Variants in CRYBA4 observed in about 807,000 individuals in gnomAD.
CRYBA4 encodes the protein beta-crystallin A4.
In CRYBA4, 30 loss-of-function variants were observed where a neutral mutation model predicts 31.7. That is an observed-to-expected ratio of 0.95 (90% confidence interval 0.71 to 1.28). The LOEUF is 1.28. Among genes scored for constraint, CRYBA4 ranks in the 50% most tolerant of loss-of-function variants. CRYBA4 has a pLI of 0.00. For synonymous variants in CRYBA4, 102 were observed against 102.3 expected, an observed-to-expected ratio of 1.00 and a Z score of 0.02; for missense variants, 225 against 260.7, an observed-to-expected ratio of 0.86 and a Z score of 0.94.
chr22:26,614,226 C>G, the CRYBA4 span, among the ~76,000 whole-genome samples: 1 of 152,200 alleles, frequency 6.6e-6, no homozygotes, highest in African/African-American at 2.4e-5. Context: ...TACTTGATGT[C>G]TGTGACCCAC....
At chr22:26,621,601 G>A (rs1208208478), upstream of CRYBA4, among the ~76,000 whole-genome samples, 2 of 152,214 alleles carry the variant, frequency 1.3e-5, no homozygotes, top group Non-Finnish European at 2.9e-5. Flanking sequence ...GATATGGTTT[G>A]TTTCTGCCCC....
chr22:26,592,132 C>T, the CRYBA4 span, among the ~76,000 whole-genome samples: 1 of 152,218 alleles, frequency 6.6e-6, no homozygotes, highest in South Asian at 2.1e-4. Flanking sequence ...GTGTTTATTG[C>T]GTGCATGTTA....
At chr22:26,628,188 C>T (rs1929808339) in intron 4 of CRYBA4, 100 bp from the exon 5 acceptor site, 3 of 1,559,120 alleles carry the variant, frequency 1.9e-6, no homozygotes, top group Non-Finnish European at 1.8e-6. Flanking sequence ...GCAAGGAAGG[C>T]TGATTTGGGA....
chr22:26,611,651 T>C, the CRYBA4 span, among the ~76,000 whole-genome samples: 1 of 151,806 alleles, frequency 6.6e-6, no homozygotes, highest in Non-Finnish European at 1.5e-5. Flanking sequence ...ATTTTTTGTA[T>C]TTTTAGTAGA....
chr22:26,593,540 C>A, the CRYBA4 span, among the ~76,000 whole-genome samples: 1 of 150,770 alleles, frequency 6.6e-6, no homozygotes, highest in East Asian at 1.9e-4. Flanking sequence ...TTATTTATTT[C>A]TTTGAGACAG....
chr22:26,630,389 G>A lies in CRYBA4; in HGVS notation c.493G>A (p.Glu165Lys). 1 of 1,614,248 alleles carries A rather than the reference G, an allele frequency of 6.2e-7. No homozygotes were observed. Reference protein sequence around the residue: ...PGYRGFQYVLECDHHSGDYKH... With the variant: ...PGYRGFQYVLKCDHHSGDYKH... ...CTACCGAGGATTTCAGTATGTGCTG[G>A]AATGCGATCACCATTCCGGTGACTA... The change falls in exon 6 of 6, where the codon GAA becomes AAA. Residue 165 changes from glutamate to lysine, a missense_variant. Physicochemically the swap from Glu to Lys is moderately conservative, Grantham distance 56. Transcript: ENST00000354760.
chr22:26,594,523 G>T, the CRYBA4 span, among the ~76,000 whole-genome samples: 1 of 152,186 alleles, frequency 6.6e-6, no homozygotes, highest in East Asian at 1.9e-4. Context: ...TCACAAGCTG[G>T]GATCTATCTA....
upstream of CRYBA4, among the ~76,000 whole-genome samples, chr22:26,620,429 C>T (rs1026170274): frequency 7.2e-5 from 11 of 151,924 alleles, no homozygotes; most frequent in South Asian, 2.1e-4. Context: ...GCTCAGAGTG[C>T]GTAAGTAACA....
intron 4 of CRYBA4, among the ~76,000 whole-genome samples, chr22:26,627,368 C>CTT (rs1305072698): frequency 1.4e-4 from 6 of 41,406 alleles, no homozygotes; most frequent in Non-Finnish European, 2.0e-4. Context: ...TCCTTTCTTT[C>CTT]TTTCTTTCTT....
chr22:26,615,999 GAAAAT>G, the CRYBA4 span: 1 of 737,402 alleles, frequency 1.4e-6, no homozygotes, highest in Non-Finnish European at 2.4e-6. Context: ...AGAAAGGAGA[GAAAAT>G]AAGCCAAGAA....
the CRYBA4 span, among the ~76,000 whole-genome samples, chr22:26,600,309 G>A: frequency 2.0e-5 from 3 of 152,112 alleles, no homozygotes; most frequent in African/African-American, 7.2e-5. Flanking sequence ...GACTGAAGCA[G>A]GAGAACGGCG....
upstream of CRYBA4, among the ~76,000 whole-genome samples, chr22:26,621,368 G>C (rs1289464876): frequency 2.0e-5 from 3 of 152,170 alleles, no homozygotes; most frequent in East Asian, 5.8e-4. Context: ...TGTGCCCCAA[G>C]TTCCCACCTC....
the CRYBA4 span, among the ~76,000 whole-genome samples, chr22:26,591,217 G>A: frequency 2.0e-5 from 3 of 151,500 alleles, no homozygotes; most frequent in African/African-American, 2.4e-5. Flanking sequence ...ATAAAAATAC[G>A]AAAATGACTT....
chr22:26,611,469 G>GTT, the CRYBA4 span, among the ~76,000 whole-genome samples: 35 of 133,300 alleles, frequency 2.6e-4, no homozygotes, highest in Non-Finnish European at 4.1e-4. Flanking sequence ...TTTTTTTTTT[G>GTT]TTTTTTTTTT....
At chr22:26,627,991 C>T (rs1180714740) in intron 4 of CRYBA4, among the ~76,000 whole-genome samples, 2 of 152,162 alleles carry the variant, frequency 1.3e-5, no homozygotes, top group Non-Finnish European at 2.9e-5. Flanking sequence ...CTCAGCTTAC[C>T]ACTGGATCCC....
the CRYBA4 span, among the ~76,000 whole-genome samples, chr22:26,609,239 A>C: frequency 6.6e-6 from 1 of 152,370 alleles, no homozygotes; most frequent in South Asian, 2.1e-4. Flanking sequence ...AATGCATCAC[A>C]GGAGCCTCAG....
At chr22:26,618,773 G>A (rs1185873737), upstream of CRYBA4, among the ~76,000 whole-genome samples, 2 of 152,220 alleles carry the variant, frequency 1.3e-5, no homozygotes, top group Non-Finnish European at 2.9e-5. Context: ...CCTCTTTGTA[G>A]GTTGGGGTGG....
At chr22:26,594,300 T>C in the CRYBA4 span, among the ~76,000 whole-genome samples, 2 of 152,312 alleles carry the variant, frequency 1.3e-5, no homozygotes, top group African/African-American at 4.8e-5. Flanking sequence ...CAGAGCCCAG[T>C]TGCTGTGTAT....
chr22:26,628,551 C>A, intron 5 of CRYBA4, 121 bp downstream of exon 5: 2 of 1,167,016 alleles, frequency 1.7e-6, no homozygotes, highest in Non-Finnish European at 2.5e-6. Context: ...CAGAGGAGAA[C>A]ACTGAGGCAC....
Sources: gnomAD v4.1 joint callset for allele counts (sites outside exome capture counted in the v4.1 genomes callset) on GRCh38, gnomAD v4.1.1 for gene constraint, MANE v1.5 for transcripts, NCBI Gene and HGNC (gene_info 2026-07-23, HGNC 2026-07-21) for gene names.